The following CUX2 variants were observed in gnomAD, a reference collection of about 807,000 sequenced individuals.
CUX2 encodes the protein homeobox protein cut-like 2.
A neutral mutation model predicts 144.8 loss-of-function variants in CUX2; 40 were observed. That is an observed-to-expected ratio of 0.28 (90% confidence interval 0.21 to 0.36). The LOEUF (loss-of-function observed/expected upper bound fraction) is 0.36, where lower values mean the gene tolerates loss of function less well. CUX2 is among the 10% of genes least tolerant of loss of function. The pLI, the probability that CUX2 is intolerant of heterozygous loss-of-function variation, is 1.00. For missense variants in CUX2, 1,615 were observed against 1,994.0 expected, an observed-to-expected ratio of 0.81 and a Z score of 3.62; for synonymous variants, 827 against 875.6, an observed-to-expected ratio of 0.94 and a Z score of 0.98.
At chr12:111,334,403 A>T (rs1888249100) in intron 18 of CUX2, 38 bp from the exon 19 acceptor site, 7 of 1,537,352 alleles carry the variant, frequency 4.6e-6, no homozygotes, top group Non-Finnish European at 4.4e-6. Flanking sequence ...TCTGTGCCAG[A>T]TTATAGTAAC....
chr12:111,131,737 A>G (rs1875493563), intron 1 of CUX2, among the ~76,000 whole-genome samples: 1 of 152,166 alleles, frequency 6.6e-6, no homozygotes, highest in Admixed American at 6.5e-5. Context: ...CTCCAAAATG[A>G]TCTCCTTTGA....
chr12:111,056,934 AG>A (rs1202648414), intron 1 of CUX2, among the ~76,000 whole-genome samples: 4 of 152,152 alleles, frequency 2.6e-5, no homozygotes, highest in Non-Finnish European at 4.4e-5. Context: ...TTGGTGTGAC[AG>A]GAAGTAGCCA....
In CUX2 at chr12:111,304,702, G is replaced by C. The variant is rs1481781496; in HGVS notation, c.858+388G>C. On this transcript the variant is annotated intron_variant, in intron 10 of 21. Coordinates refer to ENST00000261726, the MANE Select transcript of CUX2 (RefSeq NM_015267.4). This position sits in a 1 kb window ranked among gnomAD's most constrained non-coding sequence, Gnocchi z 4.7. Reference sequence around the variant, plus strand: ...CAAAGACATGGGGGAGAGGGAGTTTGAGGCAATACAGCAGCATGCAGTTTT... The same window carrying C: ...CAAAGACATGGGGGAGAGGGAGTTTCAGGCAATACAGCAGCATGCAGTTTT... Among the ~76,000 whole-genome samples the C allele has an allele frequency of 1.3e-5, 2 of 152,182 alleles. No individual in the cohort carries two copies. Among genetic ancestry groups the C allele is most frequent in the Non-Finnish European group, 2.9e-5 (2 of 68,042 alleles).
intron 15 of CUX2, 134 bp from the exon 16 acceptor site, chr12:111,311,966 A>C (rs1034303661): frequency 1.6e-6 from 1 of 617,254 alleles, no homozygotes; most frequent in Non-Finnish European, 2.9e-6. Flanking sequence ...TAGACTAAGC[A>C]GTGGCCCTGC....
intron 18 of CUX2, among the ~76,000 whole-genome samples, chr12:111,331,319 G>C (rs1888112417): frequency 6.6e-6 from 1 of 152,140 alleles, no homozygotes; most frequent in Non-Finnish European, 1.5e-5. Flanking sequence ...TTTTCTTCCA[G>C]CTGTCATACA....
chr12:111,096,584 A>T (rs1384897323), intron 1 of CUX2, among the ~76,000 whole-genome samples: 1 of 152,122 alleles, frequency 6.6e-6, no homozygotes, highest in South Asian at 2.1e-4. Context: ...GATGCTTCAC[A>T]TCCCCGCTTC....
chr12:111,295,188 TGTC>T lies in CUX2; in HGVS notation c.561-142_561-140del. 1 of 607,618 alleles carries T rather than the reference TGTC, an allele frequency of 1.6e-6. No homozygotes were observed. The allele number at this position is 607,618 out of a possible 1,614,324, so 37.6% of individuals were successfully genotyped here. On this transcript the variant is annotated intron_variant, in intron 6 of 21. Transcript: ENST00000261726. The surrounding 1 kb of genome is among the most constrained non-coding windows in gnomAD (Gnocchi z 5.0). ...GCAGCAGGACAGCCAGGTGCCTGAA[TGTC>T]GTGTCTAAGGACTTGCAGAAAGACA...
At chr12:111,134,560 G>C (rs1875714553) in intron 1 of CUX2, among the ~76,000 whole-genome samples, 1 of 149,448 alleles carries the variant, frequency 6.7e-6, no homozygotes, top group South Asian at 2.1e-4. Flanking sequence ...TCTGTATTAG[G>C]GTTTTCCAGA....
chr12:111,301,607 T>C (rs1325204806), intron 9 of CUX2, among the ~76,000 whole-genome samples: 1 of 151,932 alleles, frequency 6.6e-6, no homozygotes, highest in Non-Finnish European at 1.5e-5. Flanking sequence ...AGCCTCAAAC[T>C]CCTGGGCTCA....
At chr12:111,063,701 G>A (rs915275829) in intron 1 of CUX2, among the ~76,000 whole-genome samples, 4 of 152,226 alleles carry the variant, frequency 2.6e-5, no homozygotes, top group African/African-American at 4.8e-5. Context: ...TAGCGAGTCC[G>A]GGGGATTTGG....
intron 1 of CUX2, among the ~76,000 whole-genome samples, chr12:111,166,581 A>G (rs1878157203): frequency 6.6e-6 from 1 of 152,262 alleles, no homozygotes; most frequent in Admixed American, 6.5e-5. Flanking sequence ...CCCGAGGCTC[A>G]GAGAAGTTAA....
intron 1 of CUX2, among the ~76,000 whole-genome samples, chr12:111,155,479 G>A (rs1181521757): frequency 6.6e-6 from 1 of 152,154 alleles, no homozygotes; most frequent in Non-Finnish European, 1.5e-5. Context: ...AACATGCTTA[G>A]TTTAAAAATC....
intron 1 of CUX2, among the ~76,000 whole-genome samples, chr12:111,134,371 A>G (rs1399982739): frequency 1.3e-5 from 2 of 152,214 alleles, no homozygotes; most frequent in African/African-American, 4.8e-5. Context: ...GATAGTTTGC[A>G]TATCTCTATT....
chr12:111,199,125 G>T (rs1257639360), intron 1 of CUX2, among the ~76,000 whole-genome samples: 1 of 152,176 alleles, frequency 6.6e-6, no homozygotes, highest in African/African-American at 2.4e-5. Context: ...CTTGGACAAA[G>T]GCGGCAGTGG....
At chr12:111,279,276 T>C (rs554782267) in intron 4 of CUX2, among the ~76,000 whole-genome samples, 8 of 152,288 alleles carry the variant, frequency 5.3e-5, no homozygotes, top group African/African-American at 1.9e-4. Context: ...TAGGTTAGAC[T>C]TGAGTGAGGA....
At chr12:111,157,213 C>T (rs1480141269) in intron 1 of CUX2, among the ~76,000 whole-genome samples, 1 of 148,412 alleles carries the variant, frequency 6.7e-6, no homozygotes, top group African/African-American at 2.5e-5. Flanking sequence ...TGGCAGCTTC[C>T]TGGAGCTCTG....
intron 3 of CUX2, among the ~76,000 whole-genome samples, chr12:111,258,512 C>T (rs1467359741): frequency 1.5e-5 from 1 of 65,952 alleles, no homozygotes; most frequent in Non-Finnish European, 3.0e-5. Flanking sequence ...GACTCCATCT[C>T]AAAAAAAAAA....
Position 111,061,149 on chromosome 12 carries a change from A to C in CUX2, c.63+26909A>C, listed in dbSNP as rs983062751. Among the ~76,000 whole-genome samples, 9 of 150,182 alleles carry C rather than the reference A, an allele frequency of 6.0e-5. No individual in the cohort carries two copies. Among genetic ancestry groups the C allele is most frequent in the Non-Finnish European group, 1.2e-4 (8 of 67,692 alleles). ...CTGATCAGTGAGTCTCTGCAGGCCC[A>C]AGCTGTCCCCAGATGTGTGCATGCA... On this transcript the variant is annotated intron_variant, in intron 1 of 21. Transcript: ENST00000261726. This position sits in a 1 kb window ranked among gnomAD's most constrained non-coding sequence, Gnocchi z 4.2.
chr12:111,158,695 A>G (rs1490674582), intron 1 of CUX2, among the ~76,000 whole-genome samples: 1 of 152,166 alleles, frequency 6.6e-6, no homozygotes, highest in African/African-American at 2.4e-5. Context: ...ATCCTTTAGG[A>G]GAAGGGAAAT....
Sources: gnomAD v4.1 joint callset for allele counts (sites outside exome capture counted in the v4.1 genomes callset) on GRCh38, gnomAD v4.1.1 for gene constraint, Gnocchi (gnomAD v3.1) non-coding constraint, MANE v1.5 for transcripts, NCBI Gene and HGNC (gene_info 2026-07-23, HGNC 2026-07-21) for gene names.